Variants in CPAMD8 observed in about 807,000 individuals in gnomAD.
The protein encoded by CPAMD8 is C3 and PZP like alpha-2-macroglobulin domain containing 8.
In CPAMD8, 146 loss-of-function variants were observed where a neutral mutation model predicts 224.7. The ratio of observed to expected loss-of-function variants is 0.65; its 90% CI spans 0.57 to 0.75. CPAMD8 has a LOEUF of 0.75. Ranked by LOEUF, CPAMD8 falls within the 30% of genes least tolerant of loss-of-function variation. The pLI, the probability that CPAMD8 is intolerant of heterozygous loss-of-function variation, is 0.00. For missense variants in CPAMD8, 2,301 were observed against 2,537.5 expected (o/e 0.91, Z 2.00); for synonymous variants, 966 against 1,044.6 (o/e 0.92, Z 1.45).
At chr19:16,934,333 C>G (rs2053626814) in intron 23 of CPAMD8, among the ~76,000 whole-genome samples, 1 of 151,988 alleles carries the variant, frequency 6.6e-6, no homozygotes, top group Admixed American at 6.6e-5. Flanking sequence ...GTCAATTATG[C>G]CTCAATAAAC....
intron 18 of CPAMD8, among the ~76,000 whole-genome samples, chr19:16,968,759 C>T (rs2054946581): frequency 6.6e-6 from 1 of 152,170 alleles, no homozygotes; most frequent in Non-Finnish European, 1.5e-5. Context: ...CCAGTCTCAG[C>T]CTCCCAAGTA....
intron 9 of CPAMD8, 60 bp from the exon 10 acceptor site, chr19:17,000,582 C>G (rs879205193): frequency 6.3e-6 from 5 of 796,302 alleles, no homozygotes; most frequent in Non-Finnish European, 1.1e-5. Context: ...GAGGGCCCAG[C>G]CTCAGGAAGG....
chr19:16,898,058 C>A lies in CPAMD8; in HGVS notation c.4849-64G>T. On this transcript the variant is annotated intron_variant, in intron 37 of 41. Coordinates refer to ENST00000443236, the MANE Select transcript of CPAMD8 (RefSeq NM_015692.5). This position sits in a 1 kb window ranked among gnomAD's most constrained non-coding sequence, Gnocchi z 4.2. ...GGAGGCCCGGGGCGCTGAGCTCAGG[C>A]CCAGAACTGGCTGATTTCAGGGATA... The A allele has an allele frequency of 8.4e-7, 1 of 1,188,892 alleles. No individual in the cohort carries two copies. Among genetic ancestry groups the A allele is most frequent in the Non-Finnish European group, 1.2e-6 (1 of 838,822 alleles). The allele number at this position is 1,188,892 out of a possible 1,614,324, so 73.6% of individuals were successfully genotyped here. A position where few individuals can be genotyped will look rare whatever the true frequency, so the allele number is the denominator to read the frequency against.
chr19:17,020,498 C>A, intron 2 of CPAMD8, 145 bp from the exon 3 acceptor site: 1 of 656,662 alleles, frequency 1.5e-6, no homozygotes, highest in South Asian at 1.7e-5. Flanking sequence ...CTGGCCTGGA[C>A]TGGGCCAGGC....
At chr19:17,022,904 G>C (rs11880510) in intron 1 of CPAMD8, among the ~76,000 whole-genome samples, 60,866 of 151,598 alleles carry the variant, frequency 0.4, 12,565 homozygotes, top group African/African-American at 0.48. Context: ...GGTGCACCCC[G>C]TCCCCCACCA....
In CPAMD8 at chr19:16,898,301, C is replaced by T. The variant is rs901021345; in HGVS notation, c.4849-307G>A. Among the ~76,000 whole-genome samples the T allele has an allele frequency of 5.9e-5, 9 of 151,920 alleles. No homozygotes were observed. The highest frequency in any genetic ancestry group is 2.2e-4 in the African/African-American group (9 of 41,334). On this transcript the variant is annotated intron_variant, in intron 37 of 41. Coordinates refer to ENST00000443236, the MANE Select transcript of CPAMD8 (RefSeq NM_015692.5). The surrounding 1 kb of genome is among the most constrained non-coding windows in gnomAD (Gnocchi z 4.2). Reference sequence around the variant, plus strand: ...CTGGGATAACAGGCGCCCACCACCGCACCCTGCTAATTTTTTGTATTTTTG... The same window carrying T: ...CTGGGATAACAGGCGCCCACCACCGTACCCTGCTAATTTTTTGTATTTTTG...
chr19:16,945,855 A>G (rs953690652), intron 21 of CPAMD8, among the ~76,000 whole-genome samples, 176 bp from the exon 22 acceptor site: 2 of 151,318 alleles, frequency 1.3e-5, no homozygotes, highest in African/African-American at 2.4e-5. Flanking sequence ...ACATGTATGC[A>G]TGTGTTTGAA....
intron 7 of CPAMD8, among the ~76,000 whole-genome samples, chr19:17,005,715 A>C (rs2056472348): frequency 6.6e-6 from 1 of 152,150 alleles, no homozygotes; most frequent in Non-Finnish European, 1.5e-5. Flanking sequence ...TCACGACAGA[A>C]CCGAAAACCC....
chr19:16,938,143 CGTATTCCCTGT>C (rs1227735448), intron 23 of CPAMD8, among the ~76,000 whole-genome samples: 3 of 152,172 alleles, frequency 2.0e-5, no homozygotes, highest in Non-Finnish European at 2.9e-5. Context: ...TCATTCCCTG[CGTATTCCCTGT>C]GTATTCATTC....
chr19:16,914,394 C>T (rs779847109), intron 29 of CPAMD8, 30 bp downstream of exon 29: 15 of 1,601,906 alleles, frequency 9.4e-6, no homozygotes, highest in East Asian at 4.5e-5. Context: ...TGCCCAGCCC[C>T]GAGTCTCCCC....
At chr19:16,920,684 C>T (rs1473351380) in intron 27 of CPAMD8, among the ~76,000 whole-genome samples, 7 of 151,690 alleles carry the variant, frequency 4.6e-5, no homozygotes, top group Admixed American at 3.3e-4. Flanking sequence ...GGTGAAACCC[C>T]GTCCCTACTA....
intron 18 of CPAMD8, among the ~76,000 whole-genome samples, chr19:16,965,943 A>G (rs1339575174): frequency 2.0e-5 from 3 of 152,238 alleles, no homozygotes; most frequent in Non-Finnish European, 4.4e-5. Flanking sequence ...ATTCAATGCC[A>G]TCCCCATCAA....
chr19:16,986,078 A>T (rs1290328560), intron 13 of CPAMD8, among the ~76,000 whole-genome samples: 2 of 152,080 alleles, frequency 1.3e-5, no homozygotes, highest in Non-Finnish European at 2.9e-5. Context: ...GCATCAAAAC[A>T]ACCTTAAAAG....
chr19:16,984,329 A>AG (rs2055633106), intron 13 of CPAMD8, among the ~76,000 whole-genome samples: 1 of 141,550 alleles, frequency 7.1e-6, no homozygotes, highest in Non-Finnish European at 1.5e-5. Context: ...AAAAAAAAAA[A>AG]AAGAGAGAGA....
At chr19:17,004,419 G>T (rs1419025995) in intron 7 of CPAMD8, 33 bp from the exon 8 acceptor site, 1 of 1,392,260 alleles carries the variant, frequency 7.2e-7, no homozygotes. Flanking sequence ...GGCTTTTTCA[G>T]AGAGCCACAG....
At chr19:17,024,266 C>T (rs1172097774) in intron 1 of CPAMD8, among the ~76,000 whole-genome samples, 1 of 152,184 alleles carries the variant, frequency 6.6e-6, no homozygotes. Context: ...TAGTGTGCTA[C>T]ATCTGCCTTG....
At chr19:16,998,747 T>C (rs1457031610) in intron 10 of CPAMD8, among the ~76,000 whole-genome samples, 2 of 152,176 alleles carry the variant, frequency 1.3e-5, no homozygotes, top group Admixed American at 1.3e-4. Context: ...TATAAAATAG[T>C]GCAGCCACAT....
chr19:16,905,827 GA>G (rs1470984439), intron 30 of CPAMD8, among the ~76,000 whole-genome samples: 1 of 152,166 alleles, frequency 6.6e-6, no homozygotes, highest in Non-Finnish European at 1.5e-5. Context: ...GGTGAAGTAG[GA>G]GGAGACTAAG....
intron 12 of CPAMD8, among the ~76,000 whole-genome samples, chr19:16,991,605 G>C (rs1341619510): frequency 6.6e-6 from 1 of 151,930 alleles, no homozygotes; most frequent in East Asian, 1.9e-4. Flanking sequence ...CTGTAATCCT[G>C]GCACTTTGGG....
Sources: allele counts gnomAD v4.1 joint callset (sites outside exome capture counted in the v4.1 genomes callset), GRCh38; gene constraint gnomAD v4.1.1; non-coding constraint Gnocchi (gnomAD v3.1); transcripts MANE v1.5; gene names NCBI Gene and HGNC (gene_info 2026-07-23, HGNC 2026-07-21).